The following MAP3K2 variants were observed in gnomAD, a reference collection of about 807,000 sequenced individuals.
The protein encoded by MAP3K2 is mitogen-activated protein kinase kinase kinase 2.
A neutral mutation model predicts 80.3 loss-of-function variants in MAP3K2; 24 were observed. The ratio of observed to expected loss-of-function variants is 0.30; its 90% CI spans 0.22 to 0.42. The LOEUF is 0.42. Among genes scored for constraint, MAP3K2 ranks in the 10% least tolerant of loss-of-function variants. The pLI, the probability that MAP3K2 is intolerant of heterozygous loss-of-function variation, is 1.00. For missense variants in MAP3K2, 608 were observed against 750.1 expected (o/e 0.81, Z 2.21); for synonymous variants, 244 against 253.7 (o/e 0.96, Z 0.36).
chr2:127,338,578 T>C (rs1480870083), intron 3 of MAP3K2, among the ~76,000 whole-genome samples: 2 of 152,210 alleles, frequency 1.3e-5, no homozygotes, highest in African/African-American at 2.4e-5. Flanking sequence ...ACTGAGAACA[T>C]GTGGTATTTG....
rs1294972657 is a variant in MAP3K2, at chr2:127,307,835, C to T, written c.1635-31G>A. ...AAGAAACAAAAAGAAATACATTACACAAACAACAACATGAAAGAAAGCTAG... is the reference window on the plus strand; with the variant it reads ...AAGAAACAAAAAGAAATACATTACATAAACAACAACATGAAAGAAAGCTAG... On this transcript the variant is annotated intron_variant, in intron 16 of 16. Coordinates refer to ENST00000682094, the MANE Select transcript of MAP3K2 (RefSeq NM_001371910.2). This position sits in a 1 kb window ranked among gnomAD's most constrained non-coding sequence, Gnocchi z 5.4. 4 of 1,428,958 alleles carry T rather than the reference C, an allele frequency of 2.8e-6. No individual in the cohort carries two copies. In the South Asian group the frequency reaches 3.7e-5, roughly 13 times the overall value. 88.5% of individuals were successfully genotyped at this position (1,428,958 alleles called of 1,614,324 possible). A position where few individuals can be genotyped will look rare whatever the true frequency, so the allele number is the denominator to read the frequency against.
chr2:127,308,743 A>G lies in MAP3K2; in HGVS notation c.1476T>C (p.Asp492=). The G allele has an allele frequency of 6.2e-7, 1 of 1,613,444 alleles. No individual in the cohort carries two copies. Among genetic ancestry groups the G allele is most frequent in the Non-Finnish European group, 8.5e-7 (1 of 1,179,602 alleles). ...CTCCTAGTTTGACGTTGCCTGTTGA[A>G]TCTCGCAGGATATTTGCGCCTAAAA... ...RDIKGANILR[D]STGNVKLGDF... is the part of the protein sequence containing the mutation. The change falls in exon 16 of 17, where the codon GAT becomes GAC. Residue 492 remains aspartate (D), a synonymous_variant. Transcript: ENST00000682094.
rs1685567788 is a variant in MAP3K2 at position 127,300,369 on chromosome 2, A to C, written c.*7210T>G. On this transcript the variant is annotated 3_prime_UTR_variant, in exon 17 of 17. Coordinates refer to ENST00000682094, the MANE Select transcript of MAP3K2 (RefSeq NM_001371910.2). ...CTGCCCAGCATTCAACTGAGATTAA[A>C]AACATTTAGAGAGAAACCAATAGGT... 6.6e-6 allele frequency: 1 copy of C among 152,166 alleles called. No homozygotes were observed. The highest frequency in any genetic ancestry group is 2.1e-4 in the South Asian group (1 of 4,836). The allele number at this position is 152,166 out of a possible 1,614,324, so 9.4% of individuals were successfully genotyped here. A position where few individuals can be genotyped will look rare whatever the true frequency, so the allele number is the denominator to read the frequency against.
In MAP3K2 at chr2:127,318,150, T is replaced by G. The variant is rs1685943756; in HGVS notation, c.1194+19A>C. ...AGTTTCTTATAATGTGACAAAGTAATTTGTGCAGTGATTTTTACCTTGCTG... is the reference window on the plus strand; with the variant it reads ...AGTTTCTTATAATGTGACAAAGTAAGTTGTGCAGTGATTTTTACCTTGCTG... On this transcript the variant is annotated intron_variant, in intron 13 of 16. Transcript: ENST00000682094. 1 of 1,557,386 alleles carries G rather than the reference T, an allele frequency of 6.4e-7. No homozygotes were observed. Among genetic ancestry groups the G allele is most frequent in the South Asian group, 1.3e-5 (1 of 78,764 alleles).
chr2:127,317,497 C>T, intron 14 of MAP3K2, 132 bp downstream of exon 14: 1 of 663,516 alleles, frequency 1.5e-6, no homozygotes, highest in East Asian at 3.0e-5. Flanking sequence ...TACTACTCAG[C>T]TCTAATTTAA....
chr2:127,388,272 G>C (rs1451361760), upstream of MAP3K2: 1 of 985,462 alleles, frequency 1.0e-6, no homozygotes, highest in Non-Finnish European at 1.2e-6. Context: ...GCCTGCGGTA[G>C]TGGCCAGATC....
intron 1 of MAP3K2, among the ~76,000 whole-genome samples, chr2:127,375,149 C>G (rs1192421269): frequency 2.0e-5 from 3 of 152,118 alleles, no homozygotes; most frequent in African/African-American, 4.8e-5. Context: ...TGTGTTCACA[C>G]CCCCTCAGGT....
intron 12 of MAP3K2, among the ~76,000 whole-genome samples, chr2:127,319,342 C>T (rs1407983086): frequency 1.3e-5 from 2 of 151,982 alleles, no homozygotes; most frequent in East Asian, 3.9e-4. Context: ...TGGGCAAGCC[C>T]ATCTCTGAGA....
At chr2:127,351,984 C>T (rs1686699196) in intron 1 of MAP3K2, among the ~76,000 whole-genome samples, 1 of 151,962 alleles carries the variant, frequency 6.6e-6, no homozygotes, top group Non-Finnish European at 1.5e-5. Flanking sequence ...TCAAGTGATA[C>T]TCCCACCTCA....
intron 2 of MAP3K2, among the ~76,000 whole-genome samples, chr2:127,342,541 G>A (rs1397123072): frequency 6.6e-6 from 1 of 152,016 alleles, no homozygotes. Context: ...CAACTACTCA[G>A]TACCATTTTT....
At position 127,299,934 on chromosome 2, in the gene MAP3K2, C is replaced by T. The variant is rs774547236; in HGVS notation, c.*7645G>A. ...GAACTTACTGGGATATATACATGTG[C>T]CTACAGACAGAAAAAAACATCTCCA... On this transcript the variant is annotated 3_prime_UTR_variant, in exon 17 of 17. Transcript: ENST00000682094. The T allele has an allele frequency of 4.7e-5, 7 of 148,148 alleles. No individual in the cohort carries two copies. The highest frequency in any genetic ancestry group is 7.4e-5 in the Non-Finnish European group (5 of 67,268). 9.2% of individuals were successfully genotyped at this position (148,148 alleles called of 1,614,324 possible).
rs1399125778 is a variant in MAP3K2, at chr2:127,306,780, T to A, written c.*799A>T. On this transcript the variant is annotated 3_prime_UTR_variant, in exon 17 of 17. Transcript: ENST00000682094. The surrounding 1 kb of genome is among the most constrained non-coding windows in gnomAD (Gnocchi z 4.7). ...TCTCTTCTACTGCTCACACATTTGA[T>A]AAGAGTGATGTCCTTTTGTCTTTTA... 6.6e-6 allele frequency: 1 copy of A among 152,440 alleles called. No homozygotes were observed. The highest frequency in any genetic ancestry group is 1.5e-5 in the Non-Finnish European group (1 of 68,022). The allele number at this position is 152,440 out of a possible 1,614,324, so 9.4% of individuals were successfully genotyped here. A position where few individuals can be genotyped will look rare whatever the true frequency, so the allele number is the denominator to read the frequency against.
Position 127,307,883 on chromosome 2 carries a change from G to A in MAP3K2, c.1635-79C>T. 4.5e-6 allele frequency: 4 copies of A among 892,064 alleles called. No homozygotes were observed. The highest frequency in any genetic ancestry group is 6.9e-6 in the Non-Finnish European group (4 of 583,648). The allele number at this position is 892,064 out of a possible 1,614,324, so 55.3% of individuals were successfully genotyped here. On this transcript the variant is annotated intron_variant, in intron 16 of 16. Transcript: ENST00000682094. The surrounding 1 kb of genome is among the most constrained non-coding windows in gnomAD (Gnocchi z 5.4). ...TAGTTAGCTAGAAAATGAGAAACAG[G>A]CATTAAGTCCATATATATTTAAATA... is the stretch of plus-strand genomic sequence containing the variant.
intron 1 of MAP3K2, among the ~76,000 whole-genome samples, chr2:127,346,410 T>TAAAAA (rs70985447): frequency 2.1e-5 from 2 of 96,342 alleles, no homozygotes; most frequent in East Asian, 2.6e-4. Context: ...AAACTGGTTT[T>TAAAAA]AAAAAAAAAA....
intron 4 of MAP3K2, among the ~76,000 whole-genome samples, chr2:127,336,186 A>G (rs1401444880): frequency 2.0e-5 from 3 of 152,236 alleles, no homozygotes; most frequent in Non-Finnish European, 4.4e-5. Context: ...TACAAATTTT[A>G]AAAAGGAAAT....
chr2:127,309,361 T>C (rs1164202609), intron 15 of MAP3K2, among the ~76,000 whole-genome samples: 1 of 152,206 alleles, frequency 6.6e-6, no homozygotes, highest in African/African-American at 2.4e-5. Flanking sequence ...TTAGCTTTTA[T>C]AATAAACTTT....
chr2:127,329,860 T>C, intron 7 of MAP3K2, 61 bp downstream of exon 7: 1 of 941,098 alleles, frequency 1.1e-6, no homozygotes, highest in South Asian at 1.3e-5. Flanking sequence ...CACACTACAT[T>C]AAAGGATGGA....
At chr2:127,385,114 T>C (rs887257265) in intron 1 of MAP3K2, among the ~76,000 whole-genome samples, 2 of 152,174 alleles carry the variant, frequency 1.3e-5, no homozygotes, top group African/African-American at 4.8e-5. Context: ...GACTCCAATT[T>C]TGAAAAATGT....
chr2:127,330,752 C>G (rs1686241010), intron 5 of MAP3K2, among the ~76,000 whole-genome samples: 1 of 152,030 alleles, frequency 6.6e-6, no homozygotes, highest in Non-Finnish European at 1.5e-5. Flanking sequence ...TAGAAAATAA[C>G]ATTTAAAGAT....
Sources: gnomAD v4.1 joint callset for allele counts (sites outside exome capture counted in the v4.1 genomes callset) on GRCh38, gnomAD v4.1.1 for gene constraint, Gnocchi (gnomAD v3.1) non-coding constraint, MANE v1.5 for transcripts, NCBI Gene and HGNC (gene_info 2026-07-23, HGNC 2026-07-21) for gene names.